Variants in NIPBL observed in about 807,000 individuals in gnomAD.
NIPBL encodes nipped-B-like protein.
NIPBL carries 19 observed loss-of-function variants against 321.8 expected under a neutral mutation model. The ratio of observed to expected loss-of-function variants is 0.06; its 90% confidence interval spans 0.04 to 0.09. NIPBL has a LOEUF of 0.09. Among genes scored for constraint, NIPBL ranks in the 10% least tolerant of loss-of-function variants. The pLI, the probability that NIPBL is intolerant of heterozygous loss-of-function variation, is 1.00. For missense variants in NIPBL, 2,210 were observed against 3,327.0 expected, an observed-to-expected ratio of 0.66 and a Z score of 8.26; for synonymous variants, 1,106 against 1,114.1, an observed-to-expected ratio of 0.99 and a Z score of 0.14.
intron 1 of NIPBL, among the ~76,000 whole-genome samples, chr5:36,949,100 A>G (rs1373622197): frequency 6.6e-6 from 1 of 151,878 alleles, no homozygotes; most frequent in Non-Finnish European, 1.5e-5. Context: ...AACTTTACAC[A>G]TATTATTTCA....
chr5:37,044,533 T>C, intron 35 of NIPBL, 46 bp downstream of exon 35: 1 of 1,597,198 alleles, frequency 6.3e-7, no homozygotes, highest in Non-Finnish European at 8.6e-7. Flanking sequence ...TGTAAAGTTC[T>C]AATGTATTTT....
chr5:37,044,040 T>C (rs1230634243), intron 34 of NIPBL, among the ~76,000 whole-genome samples: 1 of 152,224 alleles, frequency 6.6e-6, no homozygotes, highest in East Asian at 1.9e-4. Flanking sequence ...TACCAGTCTT[T>C]GTATAATGCT....
intron 32 of NIPBL, among the ~76,000 whole-genome samples, chr5:37,029,338 T>C (rs1275799753): frequency 6.6e-6 from 1 of 152,220 alleles, no homozygotes; most frequent in African/African-American, 2.4e-5. Flanking sequence ...TCATACAGTA[T>C]GTAATCTTGT....
intron 1 of NIPBL, among the ~76,000 whole-genome samples, chr5:36,904,488 A>G (rs181501069): frequency 3.4e-4 from 52 of 152,324 alleles, no homozygotes; most frequent in Non-Finnish European, 4.6e-4. Flanking sequence ...ACAAGCAGTT[A>G]TGTATTGCCA....
In NIPBL at chr5:36,886,987, A is replaced by G. The variant is rs375671469; in HGVS notation, c.-80+9809A>G. The stretch of plus-strand genomic sequence containing the variant: ...TGTTAACTTTGGTGAAGCTCTTACG[A>G]AAGAGTATTATCAAAAAATAGTACT... On this transcript the variant is annotated intron_variant, in intron 1 of 46. Coordinates refer to ENST00000282516, the MANE Select transcript of NIPBL (RefSeq NM_133433.4). 3.9e-5 allele frequency among the ~76,000 whole-genome samples: 6 copies of G among 152,148 alleles called. No individual in the cohort carries two copies. In the East Asian group the frequency reaches 1.2e-3, roughly 29 times the overall value.
In NIPBL at chr5:37,010,215, C is replaced by T. The variant is rs751902505; in HGVS notation, c.4550C>T (p.Ser1517Leu). 1 of 1,606,898 alleles carries T rather than the reference C, an allele frequency of 6.2e-7. No homozygotes were observed. Among genetic ancestry groups the T allele is most frequent in the South Asian group, 1.1e-5 (1 of 90,826 alleles). ...AAGGACTCTAATGCAGAAGAAGATT[C>T]AAATAAAAAAGTAAGGAATCTATTA... ...SEKDSNAEEDSNKKIDQDVVI... is the reference protein window; with the variant it reads ...SEKDSNAEEDLNKKIDQDVVI... The change falls in exon 21 of 47, where the codon TCA (serine) becomes TTA (leucine). Residue 1517 changes from serine to leucine, a missense_variant. By Grantham distance (145) the Ser-to-Leu change is moderately radical. Transcript: ENST00000282516.
chr5:37,041,458 T>A (rs1225632666), intron 34 of NIPBL, among the ~76,000 whole-genome samples: 6 of 150,110 alleles, frequency 4.0e-5, no homozygotes, highest in African/African-American at 1.5e-4. Flanking sequence ...AGAGACGGGG[T>A]TTCACTATGT....
chr5:36,944,250 G>A (rs1739425452), intron 1 of NIPBL, among the ~76,000 whole-genome samples: 2 of 152,074 alleles, frequency 1.3e-5, no homozygotes, highest in African/African-American at 2.4e-5. Context: ...TTGCTGAAAC[G>A]GTATTTTTGA....
At chr5:36,886,116 C>T (rs1439141394) in intron 1 of NIPBL, 2 of 663,128 alleles carry the variant, frequency 3.0e-6, no homozygotes, top group East Asian at 2.8e-5. Context: ...ACGGTCCAGT[C>T]CTTGGAGATC....
Position 37,064,144 on chromosome 5 carries a change from G to A in NIPBL, c.8049+166G>A, listed in dbSNP as rs1342770231. 1.1e-5 allele frequency: 16 copies of A among 1,431,194 alleles called. No individual in the cohort carries two copies. The East Asian group carries it at 4.0e-4, about 36-fold the overall frequency. The allele number at this position is 1,431,194 out of a possible 1,614,324, so 88.7% of individuals were successfully genotyped here. On this transcript the variant is annotated intron_variant, in intron 46 of 46. Coordinates refer to ENST00000282516, the MANE Select transcript of NIPBL (RefSeq NM_133433.4). ...TACTTACCCGTTTATACATCCTTTT[G>A]TAGAAAGTTTAACATAAAAGACAAT...
chr5:37,048,969 A>T lies in NIPBL; in HGVS notation c.6764-142A>T, dbSNP rs1360561774. On this transcript the variant is annotated intron_variant, in intron 39 of 46. Coordinates refer to ENST00000282516, the MANE Select transcript of NIPBL (RefSeq NM_133433.4). ...CAGACACACACACACACACACACAC[A>T]CTCACACACAGATTAAGAACCATTG... The T allele has an allele frequency of 9.8e-6, 8 of 817,436 alleles. No homozygotes were observed. In the East Asian group the frequency reaches 1.1e-4, roughly 11 times the overall value. The allele number at this position is 817,436 out of a possible 1,614,324, so 50.6% of individuals were successfully genotyped here. A position where few individuals can be genotyped will look rare whatever the true frequency, so the allele number is the denominator to read the frequency against.
At chr5:36,896,121 A>C (rs1746715083) in intron 1 of NIPBL, among the ~76,000 whole-genome samples, 1 of 152,250 alleles carries the variant, frequency 6.6e-6, no homozygotes, top group Admixed American at 6.5e-5. Context: ...GGTATGAGGT[A>C]GGGATCCAAC....
intron 1 of NIPBL, among the ~76,000 whole-genome samples, chr5:36,897,780 T>C (rs1746869700): frequency 6.6e-6 from 1 of 151,486 alleles, no homozygotes; most frequent in African/African-American, 2.4e-5. Context: ...ACAATGTGTA[T>C]ATAGGGATGC....
At chr5:37,048,783 C>G (rs1753225104) in intron 39 of NIPBL, 108 bp downstream of exon 39, 1 of 943,150 alleles carries the variant, frequency 1.1e-6, no homozygotes, top group African/African-American at 1.7e-5. Context: ...TGAAGAAATT[C>G]AGTTAAATAG....
At chr5:37,013,627 G>A (rs1405945470) in intron 21 of NIPBL, among the ~76,000 whole-genome samples, 2 of 151,872 alleles carry the variant, frequency 1.3e-5, no homozygotes, top group Non-Finnish European at 2.9e-5. Context: ...GGGCAGAGAC[G>A]CTCCTCACTT....
At position 36,879,565 on chromosome 5, in the gene NIPBL, T is replaced by G. The variant is rs530134258; in HGVS notation, c.-80+2387T>G. Reference sequence around the variant, plus strand: ...CTGATAACCTAGTTGGAGAGAATAGTTTGTTTCCCTAAAGAGTGTAGAGTG... The same window carrying G: ...CTGATAACCTAGTTGGAGAGAATAGGTTGTTTCCCTAAAGAGTGTAGAGTG... On this transcript the variant is annotated intron_variant, in intron 1 of 46. Coordinates refer to ENST00000282516, the MANE Select transcript of NIPBL (RefSeq NM_133433.4). 1.2e-4 allele frequency among the ~76,000 whole-genome samples: 19 copies of G among 152,292 alleles called. No homozygotes were observed. The East Asian group carries it at 1.7e-3, about 14-fold the overall frequency.
At chr5:37,053,892 A>G (rs1397523063) in intron 42 of NIPBL, among the ~76,000 whole-genome samples, 1 of 152,192 alleles carries the variant, frequency 6.6e-6, no homozygotes, top group East Asian at 1.9e-4. Context: ...CTATGTGTAT[A>G]GCAACTTTTA....
At chr5:36,934,549 A>G (rs1040070361) in intron 1 of NIPBL, among the ~76,000 whole-genome samples, 17 of 152,290 alleles carry the variant, frequency 1.1e-4, no homozygotes, top group South Asian at 2.1e-4. Context: ...CAGTGGGTCA[A>G]CTTTACAGTT....
At chr5:36,903,248 A>G (rs1198112746) in intron 1 of NIPBL, among the ~76,000 whole-genome samples, 1 of 152,108 alleles carries the variant, frequency 6.6e-6, no homozygotes, top group Non-Finnish European at 1.5e-5. Flanking sequence ...TCCTATTCAG[A>G]TGCCTTTTAT....
Sources: allele counts gnomAD v4.1 joint callset (sites outside exome capture counted in the v4.1 genomes callset), GRCh38; gene constraint gnomAD v4.1.1; transcripts MANE v1.5; gene names NCBI Gene and HGNC (gene_info 2026-07-23, HGNC 2026-07-21).